Variants in ARAP2 observed in about 807,000 individuals in gnomAD.
ARAP2 encodes the protein arf-GAP with Rho-GAP domain, ANK repeat and PH domain-containing protein 2.
A neutral mutation model predicts 194.5 loss-of-function variants in ARAP2; 148 were observed. That is an observed-to-expected ratio of 0.76 (90% CI 0.67 to 0.87). The LOEUF is 0.87. Among genes scored for constraint, ARAP2 ranks in the 40% least tolerant of loss-of-function variants. ARAP2 has a pLI of 0.00. For synonymous variants in ARAP2, 695 were observed against 683.5 expected (o/e 1.02, Z -0.26); for missense variants, 2,128 against 1,989.7 (o/e 1.07, Z -1.32).
intron 19 of ARAP2, among the ~76,000 whole-genome samples, chr4:36,136,940 A>AGTG (rs1560507808): frequency 1.3e-5 from 2 of 149,424 alleles, no homozygotes; most frequent in Non-Finnish European, 3.0e-5. Context: ...GCGCACACAC[A>AGTG]CACACACACA....
intron 20 of ARAP2, among the ~76,000 whole-genome samples, chr4:36,132,311 C>G (rs756897173): frequency 1.3e-5 from 2 of 151,622 alleles, no homozygotes; most frequent in Non-Finnish European, 3.0e-5. Context: ...TTACTGCAGC[C>G]CTCTCACTAT....
chr4:36,046,916 T>C (rs374485300), intron 3 of ARAP2: 5 of 152,194 alleles, frequency 3.3e-5, no homozygotes, highest in Non-Finnish European at 7.3e-5. Context: ...TAAATCATAT[T>C]ACCATATACA....
At chr4:36,095,605 A>C (rs1714946959) in intron 27 of ARAP2, among the ~76,000 whole-genome samples, 1 of 152,188 alleles carries the variant, frequency 6.6e-6, no homozygotes, top group Non-Finnish European at 1.5e-5. Flanking sequence ...TTTAACAGCA[A>C]TTGTATTTCA....
At chr4:36,085,690 A>G (rs992536657) in intron 28 of ARAP2, among the ~76,000 whole-genome samples, 16 of 152,106 alleles carry the variant, frequency 1.1e-4, no homozygotes, top group African/African-American at 2.4e-5. Context: ...TTATCCTTTG[A>G]GGTGAATTGT....
intron 8 of ARAP2, among the ~76,000 whole-genome samples, chr4:36,013,207 C>T (rs1395271424): frequency 6.6e-6 from 1 of 152,086 alleles, no homozygotes; most frequent in African/African-American, 2.4e-5. Flanking sequence ...GTAGGAAGAC[C>T]AGAAAAAGAC....
intron 32 of ARAP2, among the ~76,000 whole-genome samples, chr4:36,070,298 A>C (rs1271053181): frequency 6.6e-6 from 1 of 152,212 alleles, no homozygotes; most frequent in African/African-American, 2.4e-5. Context: ...ATGAAGAAAG[A>C]AAGCCAAGTG....
At chr4:36,097,696 G>A (rs182945690) in intron 27 of ARAP2, among the ~76,000 whole-genome samples, 1 of 152,038 alleles carries the variant, frequency 6.6e-6, no homozygotes, top group African/African-American at 2.4e-5. Context: ...AATTCTCCCA[G>A]AGATAAATCC....
chr4:36,232,203 T>C (rs1751613248), intron 1 of ARAP2, among the ~76,000 whole-genome samples: 1 of 152,234 alleles, frequency 6.6e-6, no homozygotes. Flanking sequence ...CTGAGCTGAC[T>C]AATACACTTC....
chr4:36,143,437 G>A (rs922363558), intron 19 of ARAP2, among the ~76,000 whole-genome samples: 6 of 151,336 alleles, frequency 4.0e-5, no homozygotes, highest in Non-Finnish European at 7.4e-5. Context: ...CAAAGGTATT[G>A]GTAAATTAAT....
Position 36,040,469 on chromosome 4 carries a change from C to T in ARAP2, n.607+5510G>A, listed in dbSNP as rs75453039. ...TTTAATGATATTGATTCTTTCTATC[C>T]ATGAGCATAGGATGTTTTTTCCATT... is the stretch of plus-strand genomic sequence containing the variant. On this transcript the variant is annotated intron_variant and non_coding_transcript_variant, in intron 5 of 12. Transcript: ENST00000503225. Among the ~76,000 whole-genome samples the T allele has an allele frequency of 1.4e-4, 22 of 152,224 alleles. No homozygotes were observed. The East Asian group carries it at 3.1e-3, about 21-fold the overall frequency.
chr4:36,023,905 G>A (rs885384), intron 5 of ARAP2, among the ~76,000 whole-genome samples: 120,509 of 151,794 alleles, frequency 0.79, 49,227 homozygotes, highest in Admixed American at 0.89. Flanking sequence ...AAAAAATGAC[G>A]TTTGTTTTTT....
chr4:36,217,000 A>G (rs1452342819), intron 2 of ARAP2, among the ~76,000 whole-genome samples: 1 of 152,228 alleles, frequency 6.6e-6, no homozygotes, highest in Non-Finnish European at 1.5e-5. Context: ...TGTGTGGTGC[A>G]GGACTGCATA....
chr4:36,145,831 T>C (rs1396500874), intron 19 of ARAP2, among the ~76,000 whole-genome samples: 9 of 151,996 alleles, frequency 5.9e-5, no homozygotes, highest in Admixed American at 5.9e-4. Flanking sequence ...CTTTTCTAGC[T>C]ATACTCTCCA....
chr4:36,106,296 T>C (rs965757605), intron 27 of ARAP2, among the ~76,000 whole-genome samples: 16 of 151,946 alleles, frequency 1.1e-4, no homozygotes, highest in African/African-American at 3.9e-4. Flanking sequence ...CAGAATCATA[T>C]GTAAGAGCAT....
chr4:36,213,192 AG>A (rs1322481758), intron 4 of ARAP2, 50 bp downstream of exon 4: 1 of 1,314,582 alleles, frequency 7.6e-7, no homozygotes, highest in East Asian at 2.3e-5. Flanking sequence ...ACAAATAGGC[AG>A]AAAAGCAAAT....
At chr4:36,150,672 C>G (rs534980388) in intron 16 of ARAP2, among the ~76,000 whole-genome samples, 1 of 151,940 alleles carries the variant, frequency 6.6e-6, no homozygotes, top group East Asian at 1.9e-4. Flanking sequence ...AGATTTGATT[C>G]GAAGATGCTA....
intron 27 of ARAP2, among the ~76,000 whole-genome samples, chr4:36,097,631 T>C (rs1442267374): frequency 2.0e-5 from 3 of 152,098 alleles, no homozygotes; most frequent in Non-Finnish European, 4.4e-5. Flanking sequence ...AACCATCTAT[T>C]GTTTTCGTGT....
intron 9 of ARAP2, chr4:36,012,492 A>C (rs1405591448): frequency 2.0e-5 from 3 of 152,212 alleles, no homozygotes; most frequent in Non-Finnish European, 2.9e-5. Context: ...TAAAAGTGAC[A>C]GACATATTTT....
intron 26 of ARAP2, among the ~76,000 whole-genome samples, chr4:36,109,626 A>T (rs574141638): frequency 6.6e-6 from 1 of 152,086 alleles, no homozygotes; most frequent in South Asian, 2.1e-4. Context: ...TAACTAACTC[A>T]TAAGTTTGTT....
Sources: allele counts gnomAD v4.1 joint callset (sites outside exome capture counted in the v4.1 genomes callset), GRCh38; gene constraint gnomAD v4.1.1; transcripts MANE v1.5; gene names NCBI Gene and HGNC (gene_info 2026-07-23, HGNC 2026-07-21).